The following TMEM63C variants were observed in gnomAD, a reference collection of about 807,000 sequenced individuals.
The protein encoded by TMEM63C is transmembrane protein 63C.
TMEM63C carries 32 observed loss-of-function variants against 99.2 expected under a neutral mutation model. The observed-to-expected ratio is 0.32, with a 90% CI of 0.24 to 0.43. The LOEUF is 0.43. Among genes scored for constraint, TMEM63C ranks in the 20% least tolerant of loss-of-function variants. The pLI is 1.00. For synonymous variants in TMEM63C, 376 were observed against 397.9 expected (o/e 0.94, Z 0.66); for missense variants, 826 against 1,053.0 (o/e 0.78, Z 2.98).
intron 5 of TMEM63C, among the ~76,000 whole-genome samples, chr14:77,224,978 A>C (rs1213322726): frequency 1.3e-5 from 2 of 152,120 alleles, no homozygotes; most frequent in Non-Finnish European, 2.9e-5. Context: ...TCCTTAAGGA[A>C]ATTTTAATTG....
At chr14:77,238,315 G>A (rs1012683490) in intron 9 of TMEM63C, among the ~76,000 whole-genome samples, 3 of 152,160 alleles carry the variant, frequency 2.0e-5, no homozygotes, top group African/African-American at 7.2e-5. Context: ...CTGTGGGGTC[G>A]CTCTGGCAGC....
In TMEM63C at chr14:77,257,574, T is replaced by G. The variant is rs1403059969; in HGVS notation, c.*848T>G. On this transcript the variant is annotated 3_prime_UTR_variant, in exon 24 of 24. Transcript: ENST00000298351. ...GGGGTCTTCTCCCCAAAACTCTGTG[T>G]GGTGGGAAACCAGCTATACCTCCCC... The G allele has an allele frequency of 6.6e-6, 1 of 152,166 alleles. No individual in the cohort carries two copies. Among genetic ancestry groups the G allele is most frequent in the Non-Finnish European group, 1.5e-5 (1 of 68,034 alleles). The allele number at this position is 152,166 out of a possible 1,614,324, so 9.4% of individuals were successfully genotyped here.
chr14:77,228,033 A>C lies in TMEM63C; in HGVS notation c.350+2572A>C, dbSNP rs138633768. ...AAGAGGTGTGGGTGGACGCAGGTGC[A>C]TGCAGAGAGAGGAGGATGCCGAAGA... On this transcript the variant is annotated intron_variant, in intron 6 of 23. Coordinates refer to ENST00000298351, the MANE Select transcript of TMEM63C (RefSeq NM_020431.4). 2.7e-4 allele frequency among the ~76,000 whole-genome samples: 41 copies of C among 152,302 alleles called. 1 individual carries two copies. In the East Asian group the frequency reaches 7.5e-3, roughly 28 times the overall value.
intron 1 of TMEM63C, among the ~76,000 whole-genome samples, chr14:77,193,774 C>T (rs1888151200): frequency 6.6e-6 from 1 of 150,964 alleles, no homozygotes; most frequent in Admixed American, 6.6e-5. Context: ...GCAGAAGTTG[C>T]AGTAAGCAGA....
intron 1 of TMEM63C, among the ~76,000 whole-genome samples, chr14:77,185,624 C>T (rs1887982133): frequency 6.6e-6 from 1 of 152,128 alleles, no homozygotes; most frequent in African/African-American, 2.4e-5. Context: ...GTCTGAGTGG[C>T]AGTGATTTGG....
intron 12 of TMEM63C, among the ~76,000 whole-genome samples, chr14:77,240,251 T>A (rs2140125192): frequency 6.6e-6 from 1 of 152,338 alleles, no homozygotes; most frequent in Non-Finnish European, 1.5e-5. Context: ...CGGGTACCCC[T>A]AGCTATGCCT....
At chr14:77,240,081 A>G (rs1889138993) in intron 12 of TMEM63C, among the ~76,000 whole-genome samples, 1 of 152,218 alleles carries the variant, frequency 6.6e-6, no homozygotes, top group South Asian at 2.1e-4. Context: ...AGCTTGTCTT[A>G]TCACCTGACC....
At chr14:77,250,322 G>A (rs765674059) in intron 21 of TMEM63C, among the ~76,000 whole-genome samples, 2 of 151,878 alleles carry the variant, frequency 1.3e-5, no homozygotes, top group East Asian at 1.9e-4. Flanking sequence ...CTTTCTCCCC[G>A]TTGGAGGCAC....
Position 77,233,510 on chromosome 14 carries a change from T to C in TMEM63C, c.542+10T>C, listed in dbSNP as rs1188684028. ...TCAATGTCTCCACAGAGTAGGTACC[T>C]GATCTTAACCTCCCATTCCATTGGC... On this transcript the variant is annotated intron_variant, in intron 8 of 23. Coordinates refer to ENST00000298351, the MANE Select transcript of TMEM63C (RefSeq NM_020431.4). 1.2e-6 allele frequency: 2 copies of C among 1,613,166 alleles called. No homozygotes were observed. The highest frequency in any genetic ancestry group is 1.7e-6 in the Non-Finnish European group (2 of 1,179,568).
At position 77,229,613 on chromosome 14, in the gene TMEM63C, A is replaced by AATATATATATATAT. The variant is rs149146698; in HGVS notation, c.351-1969_351-1956dup. Among the ~76,000 whole-genome samples the AATATATATATATAT allele has an allele frequency of 1.5e-3, 181 of 117,970 alleles. 2 individuals carry two copies. Among genetic ancestry groups the AATATATATATATAT allele is most frequent in the African/African-American group, 2.5e-3 (87 of 34,228 alleles). The allele number at this position is 117,970 out of a possible 152,430, so 77.4% of individuals were successfully genotyped here. On this transcript the variant is annotated intron_variant, in intron 6 of 23. Coordinates refer to ENST00000298351, the MANE Select transcript of TMEM63C (RefSeq NM_020431.4). ...CAGGCACATGCTACCACACCCAGCT[A>AATATATATATATAT]ATATATATATATATATATAGTAGAG...
chr14:77,189,298 T>A (rs1443549020), intron 1 of TMEM63C, among the ~76,000 whole-genome samples: 1 of 151,848 alleles, frequency 6.6e-6, no homozygotes, highest in African/African-American at 2.4e-5. Context: ...TTGCATTTTT[T>A]GTAGAGATGG....
chr14:77,189,407 T>G (rs910575002), intron 1 of TMEM63C, among the ~76,000 whole-genome samples: 1 of 152,156 alleles, frequency 6.6e-6, no homozygotes, highest in Non-Finnish European at 1.5e-5. Context: ...TGTGAGCTAC[T>G]GTGCCTGGCT....
chr14:77,255,093 C>G (rs1180403576), intron 23 of TMEM63C, among the ~76,000 whole-genome samples: 2 of 152,206 alleles, frequency 1.3e-5, no homozygotes, highest in African/African-American at 4.8e-5. Context: ...TGGGTTAAAG[C>G]AATTCTCCTG....
intron 21 of TMEM63C, among the ~76,000 whole-genome samples, chr14:77,250,513 C>T (rs974826802): frequency 1.3e-5 from 2 of 151,860 alleles, no homozygotes; most frequent in Non-Finnish European, 2.9e-5. Flanking sequence ...GATCTCGACC[C>T]ACTGCAACCT....
At chr14:77,191,538 CTTTTTTTTT>C (rs71125542) in intron 1 of TMEM63C, among the ~76,000 whole-genome samples, 18 of 82,604 alleles carry the variant, frequency 2.2e-4, no homozygotes, top group African/African-American at 6.5e-4. Flanking sequence ...TTTTCTTTTT[CTTTTTTTTT>C]TTTTTTTTTT....
In TMEM63C at chr14:77,217,381, T is replaced by A. The variant is rs550773397; in HGVS notation, c.-13-1420T>A. ...AATTCCCTAATCACCCCTTTACAATTCTAACCTCACCCTCATCCCTCCACT... is the reference window on the plus strand; with the variant it reads ...AATTCCCTAATCACCCCTTTACAATACTAACCTCACCCTCATCCCTCCACT... On this transcript the variant is annotated intron_variant, in intron 2 of 23. Transcript: ENST00000298351. Among the ~76,000 whole-genome samples, 7 of 152,274 alleles carry A rather than the reference T, an allele frequency of 4.6e-5. No individual in the cohort carries two copies. The South Asian group carries it at 1.5e-3, about 32-fold the overall frequency.
At chr14:77,242,579 G>T (rs1889196730) in intron 14 of TMEM63C, 110 bp downstream of exon 14, 2 of 1,413,956 alleles carry the variant, frequency 1.4e-6, no homozygotes, top group Middle Eastern at 1.8e-4. Flanking sequence ...ACTCCAAGGG[G>T]ACTAAGTTCC....
rs376607350 is a variant in TMEM63C at position 77,234,271 on chromosome 14, C to T, written c.542+771C>T. Among the ~76,000 whole-genome samples, 343 of 152,224 alleles carry T rather than the reference C, an allele frequency of 2.3e-3. 1 individual carries two copies. Among genetic ancestry groups the T allele is most frequent in the African/African-American group, 7.8e-3 (324 of 41,498 alleles). Reference sequence around the variant, plus strand: ...CCTCCCCCAACCCCTATCCCTCTGCCCCTGCTCTCCTGCAATACACCTTGG... The same window carrying T: ...CCTCCCCCAACCCCTATCCCTCTGCTCCTGCTCTCCTGCAATACACCTTGG... On this transcript the variant is annotated intron_variant, in intron 8 of 23. Coordinates refer to ENST00000298351, the MANE Select transcript of TMEM63C (RefSeq NM_020431.4).
At chr14:77,211,322 T>A (rs908503936) in intron 1 of TMEM63C, among the ~76,000 whole-genome samples, 8 of 152,230 alleles carry the variant, frequency 5.3e-5, no homozygotes, top group African/African-American at 1.9e-4. Context: ...GGCCATGACC[T>A]TGAGCCAGTT....
Sources: allele counts gnomAD v4.1 joint callset (sites outside exome capture counted in the v4.1 genomes callset), GRCh38; gene constraint gnomAD v4.1.1; transcripts MANE v1.5; gene names NCBI Gene and HGNC (gene_info 2026-07-23, HGNC 2026-07-21).